The following RUFY2 variants were observed in gnomAD, a reference collection of about 807,000 sequenced individuals.
RUFY2 encodes RUN and FYVE domain-containing protein 2.
Under a neutral mutation model 94.4 loss-of-function variants are expected in RUFY2, and 49 were observed. That is an observed-to-expected ratio of 0.52 (90% CI 0.41 to 0.66). The LOEUF (loss-of-function observed/expected upper bound fraction) is 0.66. Among genes scored for constraint, RUFY2 ranks in the 30% least tolerant of loss-of-function variants. The probability of loss-of-function intolerance (pLI) is 0.00; values close to 1 mark genes in which losing one functional copy is unlikely to be tolerated. For synonymous variants in RUFY2, 255 were observed against 235.7 expected (o/e 1.08, Z -0.75); for missense variants, 541 against 692.8 (o/e 0.78, Z 2.46).
At chr10:68,377,327 A>G (rs1424374466) in intron 12 of RUFY2, 1 of 1,087,786 alleles carries the variant, frequency 9.2e-7, no homozygotes, top group Non-Finnish European at 1.1e-6. Flanking sequence ...TTACAAAACC[A>G]TGAAAAGCAA....
intron 1 of RUFY2, chr10:68,405,513 G>C (rs182959469): frequency 7.9e-6 from 7 of 881,146 alleles, no homozygotes; most frequent in Admixed American, 1.2e-4. Flanking sequence ...GAGACAACAG[G>C]TTTAAGGGCC....
chr10:68,346,056 G>A lies in RUFY2; in HGVS notation c.1628C>T (p.Ala543Val), dbSNP rs142895747. The change falls in exon 17 of 18, where the codon GCA becomes GTA. Residue 543 changes from alanine (A) to valine (V), a missense_variant. By Grantham distance (64) the Ala-to-Val change is moderately conservative. Around this residue, in one of 3 missense-constraint regions of RUFY2, gnomAD observed 403 missense variants for 480.7 expected, o/e 0.84. Coordinates refer to ENST00000602465, the MANE Select transcript of RUFY2 (RefSeq NM_001330103.2). The stretch of plus-strand genomic sequence containing the variant: ...CTTTTCACAAAGTTTACAATGTGTT[G>A]CTTCTTTGTCTTTCAGCCAAACCAG... The part of the protein sequence containing the change: ...QGLVWLKDKE[A>V]THCKLCEKEF... The A allele has an allele frequency of 6.3e-5, 102 of 1,613,596 alleles. No individual in the cohort carries two copies. The East Asian group carries it at 2.1e-3, about 34-fold the overall frequency.
At chr10:68,406,866 C>A (rs766439757) in intron 1 of RUFY2, 2 of 1,607,308 alleles carry the variant, frequency 1.2e-6, no homozygotes, top group Non-Finnish European at 1.7e-6. Context: ...AAGTCATCGC[C>A]CCTCCCCGCC....
intron 1 of RUFY2, 61 bp downstream of exon 1, chr10:68,407,125 G>A (rs192608421): frequency 1.5e-5 from 23 of 1,515,204 alleles, no homozygotes; most frequent in Non-Finnish European, 1.9e-5. Flanking sequence ...CACCCCGCCT[G>A]GCCGCGGCCC....
intron 13 of RUFY2, among the ~76,000 whole-genome samples, chr10:68,371,812 T>C (rs2048302099): frequency 6.6e-6 from 1 of 152,040 alleles, no homozygotes; most frequent in Non-Finnish European, 1.5e-5. Flanking sequence ...CATTAACACC[T>C]AAAGAGAAAC....
At chr10:68,404,958 C>T in intron 1 of RUFY2, 114 bp from the exon 2 acceptor site, 1 of 795,408 alleles carries the variant, frequency 1.3e-6, no homozygotes, top group South Asian at 2.2e-5. Context: ...CCTTGGTTGA[C>T]AAATTCTCCC....
At chr10:68,351,415 C>T (rs1443383539) in intron 16 of RUFY2, among the ~76,000 whole-genome samples, 6 of 147,428 alleles carry the variant, frequency 4.1e-5, no homozygotes, top group Admixed American at 6.8e-5. Flanking sequence ...GGATTATAGG[C>T]GTGAGCCACC....
chr10:68,372,902 T>C (rs1325509447), intron 13 of RUFY2, among the ~76,000 whole-genome samples: 1 of 149,390 alleles, frequency 6.7e-6, no homozygotes, highest in Non-Finnish European at 1.5e-5. Flanking sequence ...AGCAAGACCC[T>C]GTATCAAAAA....
chr10:68,343,288 A>G (rs2046079364), downstream of RUFY2: 1 of 152,230 alleles, frequency 6.6e-6, no homozygotes, highest in African/African-American at 2.4e-5. Context: ...ATGATTTAGG[A>G]GAGGGAGCCG....
At chr10:68,407,088 C>T (rs2051385576) in intron 1 of RUFY2, 98 bp downstream of exon 1, 2 of 1,502,290 alleles carry the variant, frequency 1.3e-6, no homozygotes, top group African/African-American at 2.9e-5. Flanking sequence ...CGACTGGCGG[C>T]CTCGGCGTCT....
intron 7 of RUFY2, among the ~76,000 whole-genome samples, chr10:68,386,678 C>T (rs1171078795): frequency 6.6e-6 from 1 of 151,962 alleles, no homozygotes; most frequent in African/African-American, 2.4e-5. Flanking sequence ...TTCTTAGGGT[C>T]CTTCTTAAAT....
rs1328000084 is a variant in RUFY2 at position 68,344,077 on chromosome 10, T to C, written c.*1691A>G. 1.3e-5 allele frequency: 2 copies of C among 152,266 alleles called. No individual in the cohort carries two copies. Among genetic ancestry groups the C allele is most frequent in the Non-Finnish European group, 2.9e-5 (2 of 68,016 alleles). The allele number at this position is 152,266 out of a possible 1,614,324, so 9.4% of individuals were successfully genotyped here. A position where few individuals can be genotyped will look rare whatever the true frequency, so the allele number is the denominator to read the frequency against. The stretch of plus-strand genomic sequence containing the variant: ...AATACAAAATGGTTCAAGAATATAA[T>C]CCTCTCTTGAGGACATTTCTGTCAG... On this transcript the variant is annotated 3_prime_UTR_variant, in exon 18 of 18. Transcript: ENST00000602465.
chr10:68,373,276 T>G (rs995835054), intron 13 of RUFY2, among the ~76,000 whole-genome samples: 1 of 152,034 alleles, frequency 6.6e-6, no homozygotes, highest in African/African-American at 2.4e-5. Flanking sequence ...TTGCTACAGA[T>G]AAATCAAAAT....
chr10:68,374,028 G>C (rs2048446904), intron 13 of RUFY2, among the ~76,000 whole-genome samples: 1 of 145,440 alleles, frequency 6.9e-6, no homozygotes, highest in Non-Finnish European at 1.5e-5. Context: ...AGGTTGGGAG[G>C]ATTGCTTGAG....
chr10:68,403,399 A>C (rs2051016765), intron 2 of RUFY2, among the ~76,000 whole-genome samples: 1 of 151,456 alleles, frequency 6.6e-6, no homozygotes, highest in African/African-American at 2.4e-5. Flanking sequence ...TTACAGGCGA[A>C]CACCACCAGC....
intron 13 of RUFY2, among the ~76,000 whole-genome samples, chr10:68,365,519 G>A (rs2047743880): frequency 6.6e-6 from 1 of 152,304 alleles, no homozygotes; most frequent in African/African-American, 2.4e-5. Flanking sequence ...TTCCTACTGG[G>A]TGCCTGAGCC....
Position 68,376,456 on chromosome 10 carries a change from A to G in RUFY2, c.1325+397T>C, listed in dbSNP as rs1281213056. ...AAAAAATGTGTGTATATATATATAT[A>G]TATATATATATATATATATATATAT... On this transcript the variant is annotated intron_variant, in intron 13 of 17. Transcript: ENST00000602465. Among the ~76,000 whole-genome samples the G allele has an allele frequency of 4.0e-3, 101 of 25,166 alleles. 6 individuals carry two copies. The highest frequency in any genetic ancestry group is 0.014 in the African/African-American group (96 of 6,696). The allele number at this position is 25,166 out of a possible 152,430, so 16.5% of individuals were successfully genotyped here. A position where few individuals can be genotyped will look rare whatever the true frequency, so the allele number is the denominator to read the frequency against.
At chr10:68,370,405 G>A (rs1351286569) in intron 13 of RUFY2, among the ~76,000 whole-genome samples, 2 of 151,452 alleles carry the variant, frequency 1.3e-5, no homozygotes, top group Non-Finnish European at 2.9e-5. Flanking sequence ...GAGTAACCTG[G>A]GACTTGAATC....
chr10:68,343,808 T>TTAAAA lies in RUFY2; in HGVS notation c.*1959_*1960insTTTTA, dbSNP rs1554869876. 79 of 115,592 alleles carry TTAAAA rather than the reference T, an allele frequency of 6.8e-4. 1 individual carries two copies. The highest frequency in any genetic ancestry group is 1.2e-3 in the East Asian group (5 of 4,220). 7.2% of individuals were successfully genotyped at this position (115,592 alleles called of 1,614,324 possible). ...GCAAGTTGCTGTCATAAAAGCTGCC[T>TTAAAA]AAAAAAAAAAAAAAAAAAAAAAAAA... is the stretch of plus-strand genomic sequence containing the variant. On this transcript the variant is annotated 3_prime_UTR_variant, in exon 18 of 18. Transcript: ENST00000602465.
Sources: gnomAD v4.1 joint callset for allele counts (sites outside exome capture counted in the v4.1 genomes callset) on GRCh38, gnomAD v4.1.1 for gene constraint, gnomAD v4.1.1 regional missense constraint, MANE v1.5 for transcripts, NCBI Gene and HGNC (gene_info 2026-07-23, HGNC 2026-07-21) for gene names.